RBFOX1: variants seen among roughly 807,000 people sequenced by gnomAD.
RBFOX1 encodes the protein RNA binding fox-1 homolog 1, also known as RNA binding protein fox-1 homolog 1.
Under a neutral mutation model 57.7 loss-of-function variants are expected in RBFOX1, and 8 were observed. That is an observed-to-expected ratio of 0.14 (90% confidence interval 0.08 to 0.25). The LOEUF is 0.25. Ranked by LOEUF, RBFOX1 falls within the 10% of genes least tolerant of loss-of-function variation. The pLI is 1.00. For missense variants in RBFOX1, 611 were observed against 548.5 expected, an observed-to-expected ratio of 1.11 and a Z score of -1.14; for synonymous variants, 326 against 222.4, an observed-to-expected ratio of 1.47 and a Z score of -4.15.
intron 2 of RBFOX1, among the ~76,000 whole-genome samples, chr16:6,406,023 A>G (rs2093268227): frequency 6.6e-6 from 1 of 152,216 alleles, no homozygotes; most frequent in South Asian, 2.1e-4. Context: ...AAGGACTCAG[A>G]ACTTGTCTCC....
chr16:5,642,612 C>A (rs373761546), intron 3 of RBFOX1, among the ~76,000 whole-genome samples: 7 of 152,030 alleles, frequency 4.6e-5, no homozygotes, highest in South Asian at 2.1e-4. Context: ...GCCTAGCCGC[C>A]CCCCCTTCCC....
upstream of RBFOX1, among the ~76,000 whole-genome samples, chr16:6,016,765 T>A (rs916880832): frequency 1.3e-4 from 20 of 152,202 alleles, no homozygotes; most frequent in African/African-American, 4.6e-4. Context: ...GCTGTCAACT[T>A]CAGCACCTCT....
intron 3 of RBFOX1, among the ~76,000 whole-genome samples, chr16:5,758,480 C>T (rs2053477123): frequency 6.6e-6 from 1 of 152,128 alleles, no homozygotes; most frequent in African/African-American, 2.4e-5. Context: ...GCACAGTGGC[C>T]CTGTCTGTTG....
intron 1 of RBFOX1, among the ~76,000 whole-genome samples, chr16:5,369,756 A>G (rs1022179302): frequency 5.9e-5 from 9 of 151,946 alleles, no homozygotes; most frequent in African/African-American, 2.2e-4. Flanking sequence ...CTTCCCTTAT[A>G]CCTCACCTGC....
At chr16:5,609,518 C>A (rs1024217050) in intron 3 of RBFOX1, among the ~76,000 whole-genome samples, 1 of 152,146 alleles carries the variant, frequency 6.6e-6, no homozygotes, top group Non-Finnish European at 1.5e-5. Context: ...CAGGATCGTC[C>A]TGGAGTAGTG....
intron 4 of RBFOX1, among the ~76,000 whole-genome samples, chr16:5,944,964 T>TAA (rs386384118): frequency 0.1 from 4,881 of 47,288 alleles, 929 homozygotes; most frequent in African/African-American, 0.32. Context: ...GACTCTGTCA[T>TAA]AAAAAAAAAA....
At chr16:6,051,098 T>C (rs992823825) in intron 1 of RBFOX1, among the ~76,000 whole-genome samples, 1 of 151,046 alleles carries the variant, frequency 6.6e-6, no homozygotes, top group Non-Finnish European at 1.5e-5. Context: ...ACAAAAGTAA[T>C]TGCAGTTTTT....
intron 3 of RBFOX1, among the ~76,000 whole-genome samples, chr16:5,780,127 A>C (rs757098249): frequency 6.6e-6 from 1 of 152,170 alleles, no homozygotes; most frequent in Non-Finnish European, 1.5e-5. Flanking sequence ...CTCAGCATCC[A>C]GAGTAGATGG....
Position 5,504,808 on chromosome 16 carries a change from A to G in RBFOX1, c.258+37554A>G, listed in dbSNP as rs115907889. On this transcript the variant is annotated intron_variant, in intron 2 of 2. Transcript: ENST00000585867. Reference sequence around the variant, plus strand: ...GGGAAGACCAAGGGAGTAACTGGCCATGAGCGGTGACGTTGGAGCTGGCAT... The same window carrying G: ...GGGAAGACCAAGGGAGTAACTGGCCGTGAGCGGTGACGTTGGAGCTGGCAT... 8.1e-3 allele frequency among the ~76,000 whole-genome samples: 1,238 copies of G among 152,320 alleles called. 13 individuals are homozygous for G. The highest frequency in any genetic ancestry group is 0.043 in the East Asian group (222 of 5,182).
intron 4 of RBFOX1, among the ~76,000 whole-genome samples, chr16:7,394,649 C>G (rs1024063234): frequency 6.6e-6 from 1 of 152,198 alleles, no homozygotes; most frequent in Admixed American, 6.5e-5. Context: ...CGATCACCAC[C>G]TCCCTTTTCA....
At chr16:6,213,386 C>G (rs1259386495) in intron 1 of RBFOX1, among the ~76,000 whole-genome samples, 2 of 152,078 alleles carry the variant, frequency 1.3e-5, no homozygotes, top group African/African-American at 2.4e-5. Context: ...TCTGAAGCTT[C>G]TCTTAGCCCC....
intron 2 of RBFOX1, among the ~76,000 whole-genome samples, chr16:5,517,930 C>CTGTATGTGTG (rs2043853689): frequency 6.9e-6 from 1 of 144,100 alleles, no homozygotes; most frequent in African/African-American, 2.6e-5. Flanking sequence ...GCAAAAGCTA[C>CTGTATGTGTG]TGTGTGTGTG....
intron 3 of RBFOX1, among the ~76,000 whole-genome samples, chr16:6,903,770 G>C (rs2069066852): frequency 1.3e-5 from 2 of 152,162 alleles, no homozygotes; most frequent in South Asian, 4.1e-4. Context: ...GAGGGCTGAG[G>C]GCCTTTCGGA....
At chr16:7,638,951 T>C (rs2062267188) in intron 11 of RBFOX1, among the ~76,000 whole-genome samples, 1 of 150,030 alleles carries the variant, frequency 6.7e-6, no homozygotes, top group Admixed American at 6.6e-5. Context: ...CATGTATTTT[T>C]TGCATTTTGT....
At chr16:7,180,739 A>G (rs2082537963) in intron 4 of RBFOX1, among the ~76,000 whole-genome samples, 1 of 151,586 alleles carries the variant, frequency 6.6e-6, no homozygotes, top group Admixed American at 6.6e-5. Flanking sequence ...ACCTGCCAGA[A>G]CATTGGCTTC....
At chr16:5,574,424 T>C (rs1041135480) in intron 2 of RBFOX1, among the ~76,000 whole-genome samples, 34 of 56,098 alleles carry the variant, frequency 6.1e-4, no homozygotes, top group East Asian at 2.2e-3. Context: ...TACTTTTTTT[T>C]CTTTTTTTTT....
chr16:7,191,361 T>C (rs2085342439), intron 4 of RBFOX1, among the ~76,000 whole-genome samples: 1 of 151,726 alleles, frequency 6.6e-6, no homozygotes, highest in South Asian at 2.1e-4. Context: ...AACAGCACAT[T>C]GCTACAATAT....
At chr16:6,739,407 C>T (rs1051651734) in intron 3 of RBFOX1, among the ~76,000 whole-genome samples, 2 of 152,190 alleles carry the variant, frequency 1.3e-5, no homozygotes, top group African/African-American at 4.8e-5. Flanking sequence ...CTGCAATTCA[C>T]CCAATATGCA....
At chr16:7,505,170 CAT>C (rs755130793) in intron 4 of RBFOX1, among the ~76,000 whole-genome samples, 31 of 149,298 alleles carry the variant, frequency 2.1e-4, no homozygotes, top group East Asian at 6.0e-4. Context: ...TGCTTTTGTA[CAT>C]GTGTGTGTGT....
Sources: allele counts gnomAD v4.1 joint callset (sites outside exome capture counted in the v4.1 genomes callset), GRCh38; gene constraint gnomAD v4.1.1; transcripts MANE v1.5; gene names NCBI Gene and HGNC (gene_info 2026-07-23, HGNC 2026-07-21).